CCDC33: variants seen among roughly 807,000 people sequenced by gnomAD.
The protein encoded by CCDC33 is coiled-coil domain containing 33.
A neutral mutation model predicts 91.9 loss-of-function variants in CCDC33; 94 were observed. The ratio of observed to expected loss-of-function variants is 1.02; its 90% CI spans 0.87 to 1.21. The LOEUF (loss-of-function observed/expected upper bound fraction) is 1.21. CCDC33 is among the 50% of genes most tolerant of loss of function. The probability of loss-of-function intolerance (pLI) is 0.00; values close to 1 mark genes in which losing one functional copy is unlikely to be tolerated. For synonymous variants in CCDC33, 396 were observed against 374.5 expected (o/e 1.06, Z -0.66); for missense variants, 940 against 935.5 (o/e 1.00, Z -0.06).
In CCDC33 at chr15:74,243,971, G is replaced by T. The variant is rs1416134470; in HGVS notation, c.22-14G>T. ...AAAAAAAAAAAAAACACTCAGCCCTGGCTCTCCCCACAGAACACTGAAGAC... is the reference window on the plus strand; with the variant it reads ...AAAAAAAAAAAAAACACTCAGCCCTTGCTCTCCCCACAGAACACTGAAGAC... On this transcript the variant is annotated splice_polypyrimidine_tract_variant and intron_variant, in intron 1 of 18. Transcript: ENST00000398814. 2.3e-5 allele frequency: 36 copies of T among 1,585,320 alleles called. No homozygotes were observed. Among genetic ancestry groups the T allele is most frequent in the Non-Finnish European group, 2.6e-5 (30 of 1,171,322 alleles).
rs2076497151 is a variant in CCDC33 at position 74,278,135 on chromosome 15, G to A, written c.760-1828G>A. Among the ~76,000 whole-genome samples, 5 of 152,244 alleles carry A rather than the reference G, an allele frequency of 3.3e-5. No individual in the cohort carries two copies. In the South Asian group the frequency reaches 1.0e-3, roughly 31 times the overall value. On this transcript the variant is annotated intron_variant, in intron 7 of 18. Coordinates refer to ENST00000398814, the MANE Select transcript of CCDC33 (RefSeq NM_025055.5). The stretch of plus-strand genomic sequence containing the variant: ...GGATGTTCCCATCATTGCAGTCTCT[G>A]TTCAGGTGTCCAGGGCACCCTAGCC...
At chr15:74,295,591 C>T (rs974814925) in intron 10 of CCDC33, among the ~76,000 whole-genome samples, 163 bp from the exon 11 acceptor site, 14 of 152,108 alleles carry the variant, frequency 9.2e-5, no homozygotes, top group African/African-American at 3.4e-4. Flanking sequence ...GTATTTGGGA[C>T]CCGGTGAGCA....
chr15:74,321,144 C>G (rs1462773039), intron 11 of CCDC33, among the ~76,000 whole-genome samples: 1 of 152,214 alleles, frequency 6.6e-6, no homozygotes, highest in Non-Finnish European at 1.5e-5. Context: ...GCTTTTGCTC[C>G]CTGGTCTCTG....
In CCDC33 at chr15:74,272,798, C is replaced by G. The variant is rs373666912; in HGVS notation, c.666C>G (p.Ala222=). The G allele has an allele frequency of 1.9e-6, 3 of 1,614,204 alleles. No homozygotes were observed. The highest frequency in any genetic ancestry group is 2.5e-6 in the Non-Finnish European group (3 of 1,180,030). The change falls in exon 7 of 19, where the codon GCC becomes GCG. Residue 222 remains alanine (A), a synonymous_variant. Transcript: ENST00000398814. ...FKVSQANRDL[A]SVGLPITPLS... ...TCAGCCAGGCTAACAGGGACCTGGC[C>G]TCTGTGGGGCTGCCCATCACCCCAC...
chr15:74,214,301 G>A (rs1249271156), upstream of CCDC33, among the ~76,000 whole-genome samples: 1 of 152,120 alleles, frequency 6.6e-6, no homozygotes, highest in African/African-American at 2.4e-5. Context: ...TTTCACGCTG[G>A]GACTTTGGAA....
intron 2 of CCDC33, among the ~76,000 whole-genome samples, chr15:74,219,015 C>G (rs2074519658): frequency 6.6e-6 from 1 of 152,226 alleles, no homozygotes; most frequent in Non-Finnish European, 1.5e-5. Context: ...AACGTGCAGT[C>G]TGAGGATGGA....
chr15:74,226,797 T>G (rs1202990967), intron 2 of CCDC33, among the ~76,000 whole-genome samples: 1 of 147,082 alleles, frequency 6.8e-6, no homozygotes, highest in Admixed American at 6.9e-5. Flanking sequence ...CACTGCACTC[T>G]AGCTTGGGCA....
At chr15:74,209,518 C>T (rs1335020757) in exon 2 of CCDC33, 3 of 1,365,520 alleles carry the variant, frequency 2.2e-6, no homozygotes, top group Non-Finnish European at 2.0e-6. Context: ...CACAGGGCTT[C>T]AGGGCTGGAA....
chr15:74,232,654 T>C (rs536435568), upstream of CCDC33, among the ~76,000 whole-genome samples: 4 of 152,182 alleles, frequency 2.6e-5, no homozygotes, highest in East Asian at 5.8e-4. Flanking sequence ...TGGCAGCTCA[T>C]AGCTGTGTGA....
chr15:74,207,278 A>C (rs1467067403), intron 1 of CCDC33, among the ~76,000 whole-genome samples: 1 of 152,130 alleles, frequency 6.6e-6, no homozygotes, highest in East Asian at 1.9e-4. Context: ...CCTCAGAAAC[A>C]TCCCCTCAAG....
chr15:74,260,859 T>C (rs2076004860), intron 2 of CCDC33, among the ~76,000 whole-genome samples: 1 of 152,188 alleles, frequency 6.6e-6, no homozygotes, highest in Non-Finnish European at 1.5e-5. Context: ...ACAGGAATCA[T>C]ATTTATATTT....
At chr15:74,250,478 C>T (rs186776775) in intron 2 of CCDC33, among the ~76,000 whole-genome samples, 10 of 152,264 alleles carry the variant, frequency 6.6e-5, no homozygotes, top group African/African-American at 2.2e-4. Context: ...AGAAACATTC[C>T]CAGAAACATT....
intron 2 of CCDC33, among the ~76,000 whole-genome samples, chr15:74,253,038 G>A (rs1238765428): frequency 3.3e-5 from 5 of 152,132 alleles, no homozygotes; most frequent in African/African-American, 7.2e-5. Context: ...GTGTTCTCAT[G>A]CCTGAAACCC....
chr15:74,260,640 C>T (rs1280138727), intron 2 of CCDC33, among the ~76,000 whole-genome samples: 4 of 152,156 alleles, frequency 2.6e-5, no homozygotes, highest in Non-Finnish European at 5.9e-5. Context: ...GAGATGATCT[C>T]GCCAGGATAA....
At chr15:74,308,522 G>A (rs960875008) in intron 11 of CCDC33, among the ~76,000 whole-genome samples, 1 of 152,232 alleles carries the variant, frequency 6.6e-6, no homozygotes, top group Non-Finnish European at 1.5e-5. Context: ...AGTCGAGGGG[G>A]CGGGGAGGGC....
chr15:74,208,853 T>C, intron 1 of CCDC33: 1 of 988,894 alleles, frequency 1.0e-6, no homozygotes, highest in Non-Finnish European at 1.2e-6. Context: ...TCCTTTCCTT[T>C]ATTGATCTCT....
In CCDC33 at chr15:74,278,331, C is replaced by T. The variant is rs1191493237; in HGVS notation, c.760-1632C>T. ...ATCCTGCATCAATAACTCCTGGAGC[C>T]GCAGTGCATTTGTGCTGACCTTTTC... On this transcript the variant is annotated intron_variant, in intron 7 of 18. Coordinates refer to ENST00000398814, the MANE Select transcript of CCDC33 (RefSeq NM_025055.5). Among the ~76,000 whole-genome samples, 3 of 152,248 alleles carry T rather than the reference C, an allele frequency of 2.0e-5. No homozygotes were observed. In the East Asian group the frequency reaches 5.8e-4, roughly 29 times the overall value.
rs191188029 is a variant in CCDC33, at chr15:74,329,158, T to C, written c.1291-1031T>C. 4.6e-3 allele frequency among the ~76,000 whole-genome samples: 687 copies of C among 150,968 alleles called. 4 individuals are homozygous for C. Among genetic ancestry groups the C allele is most frequent in the Non-Finnish European group, 8.5e-3 (577 of 67,980 alleles). On this transcript the variant is annotated intron_variant, in intron 11 of 18. Transcript: ENST00000398814. Reference sequence around the variant, plus strand: ...ATGCATATAAATATAGCCTATTAATTTTCATATATATATATATATACATGC... The same window carrying C: ...ATGCATATAAATATAGCCTATTAATCTTCATATATATATATATATACATGC...
At chr15:74,294,949 A>G (rs916503403) in intron 10 of CCDC33, among the ~76,000 whole-genome samples, 1 of 152,158 alleles carries the variant, frequency 6.6e-6, no homozygotes, top group Non-Finnish European at 1.5e-5. Flanking sequence ...AATCCTGCCA[A>G]GGGAGAAGGA....
Sources: gnomAD v4.1 joint callset for allele counts (sites outside exome capture counted in the v4.1 genomes callset) on GRCh38, gnomAD v4.1.1 for gene constraint, MANE v1.5 for transcripts, NCBI Gene and HGNC (gene_info 2026-07-23, HGNC 2026-07-21) for gene names.